Variants in KATNAL1 observed in about 807,000 individuals in gnomAD.
KATNAL1 encodes katanin catalytic subunit A1 like 1.
A neutral mutation model predicts 55.2 loss-of-function variants in KATNAL1; 32 were observed. The ratio of observed to expected loss-of-function variants is 0.58; its 90% CI spans 0.44 to 0.78. The LOEUF is 0.78. Ranked by LOEUF, KATNAL1 falls within the 30% of genes least tolerant of loss-of-function variation. The pLI is 0.00. For synonymous variants in KATNAL1, 193 were observed against 193.6 expected, an observed-to-expected ratio of 1.00 and a Z score of 0.02; for missense variants, 466 against 600.9, an observed-to-expected ratio of 0.78 and a Z score of 2.35.
At chr13:30,243,928 T>A (rs1209761857) in intron 4 of KATNAL1, among the ~76,000 whole-genome samples, 1 of 152,132 alleles carries the variant, frequency 6.6e-6, no homozygotes, top group African/African-American at 2.4e-5. Context: ...AATCTCATTA[T>A]TTTTCTTTTT....
chr13:30,274,903 G>GCGCGCA (rs1401933088), intron 3 of KATNAL1, among the ~76,000 whole-genome samples: 1 of 93,700 alleles, frequency 1.1e-5, no homozygotes, highest in African/African-American at 3.7e-5. Context: ...GCGCGCGCGC[G>GCGCGCA]CGCGCACACA....
In KATNAL1 at chr13:30,224,246, T is replaced by C. The variant is rs1421008837; in HGVS notation, c.1147+3166A>G. 4.0e-5 allele frequency among the ~76,000 whole-genome samples: 6 copies of C among 151,880 alleles called. 1 individual carries two copies. Among genetic ancestry groups the C allele is most frequent in the Admixed American group, 3.9e-4 (6 of 15,258 alleles). On this transcript the variant is annotated intron_variant, in intron 9 of 10. Transcript: ENST00000380615. Reference sequence around the variant, plus strand: ...TTTATAGCTTTAAAATGTGCAAATTTAAAAAAGAAAAAAAGGCCAGGTGCA... The same window carrying C: ...TTTATAGCTTTAAAATGTGCAAATTCAAAAAAGAAAAAAAGGCCAGGTGCA...
At chr13:30,222,098 C>T (rs1874928703) in intron 9 of KATNAL1, among the ~76,000 whole-genome samples, 1 of 152,104 alleles carries the variant, frequency 6.6e-6, no homozygotes, top group African/African-American at 2.4e-5. Context: ...TGTCTGTGAA[C>T]ATGTTTTTCA....
At chr13:30,260,692 C>A (rs1259117566) in intron 3 of KATNAL1, among the ~76,000 whole-genome samples, 1 of 151,568 alleles carries the variant, frequency 6.6e-6, no homozygotes, top group Admixed American at 6.6e-5. Context: ...AAGAAATGAG[C>A]AAAGCCTCCA....
At chr13:30,214,360 T>C (rs1022213607) in intron 9 of KATNAL1, among the ~76,000 whole-genome samples, 84 of 152,166 alleles carry the variant, frequency 5.5e-4, no homozygotes, top group East Asian at 1.5e-3. Context: ...AGGTAATTTA[T>C]AGATTTAATG....
rs1872833992 is a variant in KATNAL1 at position 30,203,172 on chromosome 13, G to A, written c.*5368C>T. The A allele has an allele frequency of 1.3e-5, 2 of 152,160 alleles. No individual in the cohort carries two copies. Among genetic ancestry groups the A allele is most frequent in the Non-Finnish European group, 2.9e-5 (2 of 68,020 alleles). The allele number at this position is 152,160 out of a possible 1,614,324, so 9.4% of individuals were successfully genotyped here. The stretch of plus-strand genomic sequence containing the variant: ...GCTGACCATAACAAAGACGGGAAAA[G>A]TAATTCAGACATTTCACAGAGGCCT... On this transcript the variant is annotated 3_prime_UTR_variant, in exon 11 of 11. Transcript: ENST00000380615.
intron 4 of KATNAL1, among the ~76,000 whole-genome samples, chr13:30,249,707 C>T (rs1048010551): frequency 4.6e-5 from 7 of 152,130 alleles, no homozygotes; most frequent in Non-Finnish European, 1.0e-4. Context: ...ACAGTGGTTA[C>T]CTTTGGGAAA....
At chr13:30,225,239 C>T (rs1428922712) in intron 9 of KATNAL1, among the ~76,000 whole-genome samples, 2 of 152,170 alleles carry the variant, frequency 1.3e-5, no homozygotes, top group African/African-American at 4.8e-5. Flanking sequence ...ACTTCTACCA[C>T]TTCACATTCA....
At chr13:30,215,831 C>T (rs915012999) in intron 9 of KATNAL1, among the ~76,000 whole-genome samples, 2 of 152,062 alleles carry the variant, frequency 1.3e-5, no homozygotes, top group East Asian at 1.9e-4. Flanking sequence ...TGCTAAATGA[C>T]GAGTTAATGG....
intron 4 of KATNAL1, among the ~76,000 whole-genome samples, chr13:30,251,242 T>C (rs751359266): frequency 1.5e-4 from 16 of 107,914 alleles, no homozygotes; most frequent in African/African-American, 1.8e-4. Flanking sequence ...TTTTAGATTA[T>C]CCTTCTTAAG....
intron 2 of KATNAL1, among the ~76,000 whole-genome samples, chr13:30,281,181 C>CT (rs141780125): frequency 0.52 from 73,276 of 141,204 alleles, 19,956 homozygotes; most frequent in African/African-American, 0.71. Flanking sequence ...TTTAACAATT[C>CT]TTTTTTTTTT....
chr13:30,269,369 C>G (rs902681107), intron 3 of KATNAL1, among the ~76,000 whole-genome samples: 4 of 152,244 alleles, frequency 2.6e-5, no homozygotes, highest in Non-Finnish European at 5.9e-5. Flanking sequence ...CAGACGGAGT[C>G]TGGTTCACTC....
intron 1 of KATNAL1, among the ~76,000 whole-genome samples, chr13:30,285,275 C>T (rs770437320): frequency 6.6e-5 from 10 of 152,160 alleles, no homozygotes; most frequent in Non-Finnish European, 1.3e-4. Flanking sequence ...ACTACTAATA[C>T]GGGTTGGCTC....
chr13:30,292,793 T>TA (rs976871410), intron 1 of KATNAL1, among the ~76,000 whole-genome samples: 3 of 152,216 alleles, frequency 2.0e-5, no homozygotes, highest in African/African-American at 7.2e-5. Flanking sequence ...TAAATACCTT[T>TA]ATTCTACCCT....
intron 6 of KATNAL1, among the ~76,000 whole-genome samples, chr13:30,233,530 G>A (rs915694247): frequency 2.0e-5 from 3 of 151,482 alleles, no homozygotes; most frequent in Non-Finnish European, 4.4e-5. Flanking sequence ...AAACTGTGTG[G>A]AGGTTCCTCA....
intron 3 of KATNAL1, among the ~76,000 whole-genome samples, chr13:30,274,895 GCGCGCGCGCGCGCACA>G (rs1880672390): frequency 3.1e-5 from 3 of 98,122 alleles, no homozygotes; most frequent in African/African-American, 4.8e-5. Context: ...ACACATACGC[GCGCGCGCGCGCGCACA>G]CACACACACA....
intron 10 of KATNAL1, among the ~76,000 whole-genome samples, chr13:30,209,844 C>G (rs1332586020): frequency 6.6e-6 from 1 of 151,962 alleles, no homozygotes; most frequent in Non-Finnish European, 1.5e-5. Flanking sequence ...TGCAGTGGCG[C>G]GATCTCGGCT....
In KATNAL1 at chr13:30,292,771, T is replaced by G. The variant is rs550727013; in HGVS notation, c.-14-8980A>C. Among the ~76,000 whole-genome samples, 1,294 of 152,326 alleles carry G rather than the reference T, an allele frequency of 8.5e-3. 27 individuals carry two copies. Among genetic ancestry groups the G allele is most frequent in the African/African-American group, 0.03 (1,233 of 41,558 alleles). On this transcript the variant is annotated intron_variant, in intron 1 of 10. Transcript: ENST00000380615. ...AGTTGGGAGAAAAAATTTTTGCAAC[T>G]GTGCATGTCTGTAAATACCTTTATT...
chr13:30,231,287 T>A, intron 7 of KATNAL1, 27 bp downstream of exon 7: 2 of 1,585,888 alleles, frequency 1.3e-6, no homozygotes, highest in Non-Finnish European at 1.7e-6. Context: ...ACACACTACT[T>A]TGAAATCTGA....
Sources: allele counts gnomAD v4.1 joint callset (sites outside exome capture counted in the v4.1 genomes callset), GRCh38; gene constraint gnomAD v4.1.1; transcripts MANE v1.5; gene names NCBI Gene and HGNC (gene_info 2026-07-23, HGNC 2026-07-21).